ASPH: variants seen among roughly 807,000 people sequenced by gnomAD.
ASPH encodes the protein aspartate beta-hydroxylase, also known as aspartyl/asparaginyl beta-hydroxylase.
In ASPH, 100 loss-of-function variants were observed where a neutral mutation model predicts 118.4. The ratio of observed to expected loss-of-function variants is 0.84; its 90% CI spans 0.72 to 1.00. The LOEUF (loss-of-function observed/expected upper bound fraction) is 1.00, where lower values mean the gene tolerates loss of function less well. ASPH is among the 50% of genes least tolerant of loss of function. The pLI, the probability that ASPH is intolerant of heterozygous loss-of-function variation, is 0.00. For missense variants in ASPH, 920 were observed against 919.5 expected, an observed-to-expected ratio of 1.00 and a Z score of -0.01; for synonymous variants, 315 against 325.6, an observed-to-expected ratio of 0.97 and a Z score of 0.35.
intron 10 of ASPH, among the ~76,000 whole-genome samples, chr8:61,640,433 C>G (rs532049298): frequency 6.6e-6 from 1 of 152,316 alleles, no homozygotes; most frequent in African/African-American, 2.4e-5. Flanking sequence ...CTCAGCCTTA[C>G]TCTTGCAAGT....
intron 3 of ASPH, chr8:61,660,965 T>C (rs1816591264): frequency 6.6e-6 from 1 of 152,198 alleles, no homozygotes; most frequent in Non-Finnish European, 1.5e-5. Context: ...ATTAGGCTGG[T>C]TATTAGGCTT....
At chr8:61,507,893 C>G (rs17200413) in intron 24 of ASPH, among the ~76,000 whole-genome samples, 13,462 of 152,266 alleles carry the variant, frequency 0.088, 672 homozygotes, top group Non-Finnish European at 0.12. Flanking sequence ...AGTACTGTTA[C>G]AGCCTTGTCT....
chr8:61,692,304 A>C (rs1832830023), intron 1 of ASPH, among the ~76,000 whole-genome samples: 3 of 152,250 alleles, frequency 2.0e-5, no homozygotes, highest in Admixed American at 2.0e-4. Flanking sequence ...TGCCTCTTAT[A>C]ATGACAATTC....
intron 3 of ASPH, among the ~76,000 whole-genome samples, chr8:61,674,788 T>C (rs1224763815): frequency 1.3e-5 from 2 of 152,164 alleles, no homozygotes; most frequent in Non-Finnish European, 2.9e-5. Context: ...TTTGATTAGA[T>C]ATAGAAGACA....
At chr8:61,665,134 T>G in intron 3 of ASPH, 1 of 1,473,066 alleles carries the variant, frequency 6.8e-7, no homozygotes, top group Non-Finnish European at 9.0e-7. Context: ...CAATGATACA[T>G]TCAATGGCTA....
intron 1 of ASPH, among the ~76,000 whole-genome samples, chr8:61,703,978 G>A (rs1182498343): frequency 1.3e-5 from 2 of 151,610 alleles, no homozygotes; most frequent in Admixed American, 6.6e-5. Flanking sequence ...GGCGGATCAC[G>A]AGGTCAGGAG....
intron 21 of ASPH, among the ~76,000 whole-genome samples, chr8:61,543,359 T>C (rs1192321515): frequency 6.6e-6 from 1 of 152,208 alleles, no homozygotes; most frequent in Admixed American, 6.5e-5. Flanking sequence ...TCCAAATTTG[T>C]TGATTATTTC....
At chr8:61,507,809 C>T (rs1251079834) in intron 24 of ASPH, among the ~76,000 whole-genome samples, 1 of 152,178 alleles carries the variant, frequency 6.6e-6, no homozygotes, top group East Asian at 1.9e-4. Context: ...TTAAGTTACA[C>T]TCGAATTACG....
chr8:61,684,084 C>G lies in ASPH; in HGVS notation c.208G>C (p.Val70Leu). 1 of 1,613,814 alleles carries G rather than the reference C, an allele frequency of 6.2e-7. No individual in the cohort carries two copies. The highest frequency in any genetic ancestry group is 8.5e-7 in the Non-Finnish European group (1 of 1,179,788). Residue 70 changes from valine (V) to leucine (L), a missense_variant, in exon 2 of 25, where the codon GTA becomes CTA. Val to Leu is a conservative substitution (Grantham distance 32). Coordinates refer to ENST00000379454, the MANE Select transcript of ASPH (RefSeq NM_004318.4). ...ACAAGATCAAACCAAACGACAGCTA[C>G]AGATGTCCAGACGCCCAGCAATGCA... ...VIALLGVWTS[V>L]AVVWFDLVDY...
chr8:61,516,942 T>C (rs1383206861), intron 24 of ASPH: 1 of 152,318 alleles, frequency 6.6e-6, no homozygotes, highest in African/African-American at 2.4e-5. Flanking sequence ...TTCCAGTTAA[T>C]CCATACAACA....
At chr8:61,644,496 TATTA>T (rs1806860494) in intron 7 of ASPH, 100 bp downstream of exon 7, 3 of 751,882 alleles carry the variant, frequency 4.0e-6, no homozygotes, top group African/African-American at 1.9e-5. Context: ...ATCTTGCATA[TATTA>T]ATTTAAATAT....
chr8:61,579,288 G>C lies in ASPH; in HGVS notation c.1063-2430C>G, dbSNP rs533662759. ...TGCCAACGCCAAGTTGTCCGAGCTG[G>C]AGGCTGCCCTGCAGCGGGCCAAGCA... On this transcript the variant is annotated intron_variant, in intron 15 of 24. Transcript: ENST00000379454. 3.1e-6 allele frequency: 5 copies of C among 1,614,178 alleles called. No individual in the cohort carries two copies. The African/African-American group carries it at 6.7e-5, about 22-fold the overall frequency.
At chr8:61,610,683 T>C (rs1038647042) in intron 14 of ASPH, among the ~76,000 whole-genome samples, 3 of 152,236 alleles carry the variant, frequency 2.0e-5, no homozygotes, top group African/African-American at 7.2e-5. Context: ...TATTATGCTA[T>C]TGCTACATTG....
chr8:61,579,720 G>A, intron 15 of ASPH: 1 of 1,023,916 alleles, frequency 9.8e-7, no homozygotes, highest in Non-Finnish European at 1.5e-6. Context: ...CTGCCCCAGA[G>A]CCTGAGAAGG....
At chr8:61,600,438 T>C (rs1012578552) in intron 14 of ASPH, among the ~76,000 whole-genome samples, 2 of 151,336 alleles carry the variant, frequency 1.3e-5, no homozygotes, top group South Asian at 2.1e-4. Context: ...GGAAGTCAAA[T>C]TGTCCTGTTT....
chr8:61,648,045 G>A (rs2151051984), intron 5 of ASPH, among the ~76,000 whole-genome samples: 1 of 152,296 alleles, frequency 6.6e-6, no homozygotes, highest in South Asian at 2.1e-4. Flanking sequence ...GGGTCCGGAT[G>A]CATGGCTGTA....
rs1272789333 is a variant in ASPH, at chr8:61,529,204, C to T, written c.1765-3092G>A. On this transcript the variant is annotated intron_variant, in intron 21 of 24. Transcript: ENST00000379454. ...TCAATTAGAGAAGGTCACATTTAGGCACAGGGATTTCAGGCTGCAGTGGAC... is the reference window on the plus strand; with the variant it reads ...TCAATTAGAGAAGGTCACATTTAGGTACAGGGATTTCAGGCTGCAGTGGAC... 2.6e-5 allele frequency among the ~76,000 whole-genome samples: 4 copies of T among 152,128 alleles called. No individual in the cohort carries two copies. In the East Asian group the frequency reaches 5.8e-4, roughly 22 times the overall value.
chr8:61,539,965 T>C (rs1821250693), intron 21 of ASPH, among the ~76,000 whole-genome samples: 1 of 152,158 alleles, frequency 6.6e-6, no homozygotes, highest in Non-Finnish European at 1.5e-5. Context: ...ATTTTTACCC[T>C]AGCAAAGATT....
At position 61,530,479 on chromosome 8, in the gene ASPH, C is replaced by T. The variant is rs576024061; in HGVS notation, c.1765-4367G>A. On this transcript the variant is annotated intron_variant, in intron 21 of 24. Coordinates refer to ENST00000379454, the MANE Select transcript of ASPH (RefSeq NM_004318.4). The stretch of plus-strand genomic sequence containing the variant: ...ATGAATCCCACATCCTGCCCCAGCT[C>T]TCCTGAATCCCAGACCTGCATCCAG... Among the ~76,000 whole-genome samples, 3 of 152,332 alleles carry T rather than the reference C, an allele frequency of 2.0e-5. No homozygotes were observed. In the South Asian group the frequency reaches 6.2e-4, roughly 32 times the overall value.
Sources: allele counts gnomAD v4.1 joint callset (sites outside exome capture counted in the v4.1 genomes callset), GRCh38; gene constraint gnomAD v4.1.1; transcripts MANE v1.5; gene names NCBI Gene and HGNC (gene_info 2026-07-23, HGNC 2026-07-21).